Variants in PTPRN2 observed in about 807,000 individuals in gnomAD.
PTPRN2 encodes the protein protein tyrosine phosphatase receptor type N2.
A neutral mutation model predicts 118.8 loss-of-function variants in PTPRN2; 74 were observed. That is an observed-to-expected ratio of 0.62 (90% CI 0.52 to 0.76). The LOEUF (loss-of-function observed/expected upper bound fraction) is 0.76. Among genes scored for constraint, PTPRN2 ranks in the 30% least tolerant of loss-of-function variants. PTPRN2 has a pLI of 0.00. For missense variants in PTPRN2, 1,481 were observed against 1,394.4 expected (o/e 1.06, Z -0.99); for synonymous variants, 641 against 608.0 (o/e 1.05, Z -0.80).
intron 1 of PTPRN2, among the ~76,000 whole-genome samples, chr7:158,562,935 T>C (rs1481737464): frequency 6.6e-6 from 1 of 152,184 alleles, no homozygotes; most frequent in Non-Finnish European, 1.5e-5. Flanking sequence ...TGTGTCCCCA[T>C]CCGTTCCAGC....
intron 22 of PTPRN2, among the ~76,000 whole-genome samples, chr7:157,547,943 T>TG (rs941911774): frequency 9.9e-5 from 15 of 152,092 alleles, no homozygotes; most frequent in Non-Finnish European, 2.1e-4. Context: ...GGAAGCTCCC[T>TG]GGGGGGGCGC....
intron 11 of PTPRN2, among the ~76,000 whole-genome samples, chr7:157,936,445 C>G (rs1313665487): frequency 2.6e-5 from 4 of 152,164 alleles, no homozygotes; most frequent in African/African-American, 9.7e-5. Context: ...AGCTCTCTGG[C>G]CACCCCACCT....
At chr7:158,569,168 T>C (rs528868427) in intron 1 of PTPRN2, among the ~76,000 whole-genome samples, 30 of 152,312 alleles carry the variant, frequency 2.0e-4, no homozygotes, top group Middle Eastern at 3.4e-3. Context: ...ATGTGAAATC[T>C]CAGGAATTTA....
At chr7:158,533,613 G>A (rs748992737) in intron 1 of PTPRN2, among the ~76,000 whole-genome samples, 8 of 152,190 alleles carry the variant, frequency 5.3e-5, no homozygotes, top group Non-Finnish European at 1.0e-4. Flanking sequence ...CGCAGAGACC[G>A]TCCTGACCCC....
chr7:157,548,631 C>A (rs1007180165), intron 22 of PTPRN2, among the ~76,000 whole-genome samples: 3 of 152,198 alleles, frequency 2.0e-5, no homozygotes, highest in South Asian at 2.1e-4. Context: ...TGGGATTTAT[C>A]GTCAACCTCT....
chr7:157,942,940 C>T (rs1195288421), intron 11 of PTPRN2, among the ~76,000 whole-genome samples: 1 of 152,158 alleles, frequency 6.6e-6, no homozygotes. Context: ...TCAAACACAC[C>T]GTCTCCCATC....
At chr7:158,443,305 G>A (rs886288782) in intron 2 of PTPRN2, among the ~76,000 whole-genome samples, 1 of 152,346 alleles carries the variant, frequency 6.6e-6, no homozygotes, top group Non-Finnish European at 1.5e-5. Context: ...GGCACAGAAG[G>A]CTCCGAAGTT....
At chr7:158,357,589 G>T (rs910683530) in intron 2 of PTPRN2, among the ~76,000 whole-genome samples, 3 of 152,240 alleles carry the variant, frequency 2.0e-5, no homozygotes, top group Admixed American at 6.5e-5. Flanking sequence ...CGTCACACAG[G>T]CACCGTCAGC....
At position 158,565,565 on chromosome 7, in the gene PTPRN2, C is replaced by T. The variant is rs73512211; in HGVS notation, c.112+21993G>A. ...ATCTTAACTCGGACGGCAAACTTCC[C>T]GTCTGGGATCTGCAGGCTTCAACAA... On this transcript the variant is annotated intron_variant, in intron 1 of 22. Transcript: ENST00000389418. This position sits in a 1 kb window ranked among gnomAD's most constrained non-coding sequence, Gnocchi z 4.6. Among the ~76,000 whole-genome samples the T allele has an allele frequency of 8.3e-3, 1,264 of 152,290 alleles. 18 individuals carry two copies. Among genetic ancestry groups the T allele is most frequent in the African/African-American group, 0.028 (1,160 of 41,546 alleles).
chr7:157,613,970 CTG>C (rs1467252243), intron 15 of PTPRN2: 13 of 468,838 alleles, frequency 2.8e-5, no homozygotes, highest in Non-Finnish European at 5.3e-5. Flanking sequence ...AACTGTGACT[CTG>C]TGAGCTCACA....
At chr7:157,650,099 C>T (rs901311108) in intron 14 of PTPRN2, among the ~76,000 whole-genome samples, 5 of 152,230 alleles carry the variant, frequency 3.3e-5, no homozygotes, top group East Asian at 1.9e-4. Flanking sequence ...TCTCCAGAGC[C>T]GGCTACTATG....
At chr7:157,898,861 T>C (rs1797282492) in intron 11 of PTPRN2, 124 bp from the exon 12 acceptor site, 2 of 842,974 alleles carry the variant, frequency 2.4e-6, no homozygotes, top group Admixed American at 1.9e-5. Context: ...CCTACCTTAA[T>C]GGAAGGGTCA....
chr7:157,762,667 C>T (rs1010178626), intron 12 of PTPRN2, among the ~76,000 whole-genome samples: 57 of 151,256 alleles, frequency 3.8e-4, no homozygotes, highest in African/African-American at 1.1e-3. Context: ...GTGGGTGCAG[C>T]GCACCAGCAT....
chr7:157,704,522 G>C (rs1042910091), intron 12 of PTPRN2, among the ~76,000 whole-genome samples: 2 of 152,182 alleles, frequency 1.3e-5, no homozygotes, highest in Non-Finnish European at 2.9e-5. Context: ...GGGCCTGAAG[G>C]TCCCACCCTC....
chr7:158,391,360 G>C (rs7784436), intron 2 of PTPRN2, among the ~76,000 whole-genome samples: 4,801 of 152,234 alleles, frequency 0.032, 93 homozygotes, highest in Middle Eastern at 0.092. Context: ...AGCTGCACCA[G>C]GCCCGAAATC....
At chr7:157,691,289 C>G (rs1227867368) in intron 12 of PTPRN2, among the ~76,000 whole-genome samples, 1 of 127,872 alleles carries the variant, frequency 7.8e-6, no homozygotes, top group African/African-American at 3.0e-5. Flanking sequence ...AGACCTCGGC[C>G]AGAAAAGTCA....
intron 5 of PTPRN2, among the ~76,000 whole-genome samples, chr7:158,191,686 C>T (rs941417145): frequency 6.6e-6 from 1 of 152,174 alleles, no homozygotes; most frequent in Non-Finnish European, 1.5e-5. Context: ...TCTTGGGTGG[C>T]TCTGTGATGC....
intron 12 of PTPRN2, among the ~76,000 whole-genome samples, chr7:157,746,371 C>T (rs910265653): frequency 6.9e-6 from 1 of 143,950 alleles, no homozygotes; most frequent in Admixed American, 6.9e-5. Flanking sequence ...TCACGGGGCC[C>T]TGAGCAAGGA....
At chr7:157,997,403 A>G (rs1290603047) in intron 11 of PTPRN2, among the ~76,000 whole-genome samples, 2 of 152,224 alleles carry the variant, frequency 1.3e-5, no homozygotes, top group African/African-American at 4.8e-5. Context: ...TGACTTCAGG[A>G]CAGGGGGCTG....
Sources: allele counts gnomAD v4.1 joint callset (sites outside exome capture counted in the v4.1 genomes callset), GRCh38; gene constraint gnomAD v4.1.1; non-coding constraint Gnocchi (gnomAD v3.1); transcripts MANE v1.5; gene names NCBI Gene and HGNC (gene_info 2026-07-23, HGNC 2026-07-21).